ARHGEF18: variants seen among roughly 807,000 people sequenced by gnomAD.
ARHGEF18 encodes the protein rho guanine nucleotide exchange factor 18.
ARHGEF18 carries 93 observed loss-of-function variants against 155.7 expected under a neutral mutation model. The ratio of observed to expected loss-of-function variants is 0.60; its 90% CI spans 0.50 to 0.71. The LOEUF is 0.71. ARHGEF18 is among the 30% of genes least tolerant of loss of function. The pLI, the probability that ARHGEF18 is intolerant of heterozygous loss-of-function variation, is 0.00. For synonymous variants in ARHGEF18, 742 were observed against 753.1 expected (o/e 0.99, Z 0.24); for missense variants, 1,593 against 1,816.1 (o/e 0.88, Z 2.23).
chr19:7,386,489 C>T (rs745599838), intron 10 of ARHGEF18, among the ~76,000 whole-genome samples: 58 of 152,076 alleles, frequency 3.8e-4, no homozygotes, highest in African/African-American at 1.0e-3. Flanking sequence ...GTGAGGACCA[C>T]GGCTCTCCCT....
intron 2 of ARHGEF18, 23 bp from the exon 3 acceptor site, chr19:7,372,789 C>A: frequency 4.1e-6 from 5 of 1,234,486 alleles, no homozygotes; most frequent in Non-Finnish European, 5.1e-6. Flanking sequence ...CTTCTTCTCC[C>A]TCCTCACCTT....
intron 10 of ARHGEF18, among the ~76,000 whole-genome samples, chr19:7,422,657 G>A (rs1973423854): frequency 6.6e-6 from 1 of 151,562 alleles, no homozygotes; most frequent in Admixed American, 6.6e-5. Context: ...CCTCTGGACT[G>A]GAGATCTCCT....
chr19:7,394,959 C>A, intron 10 of ARHGEF18: 1 of 764,024 alleles, frequency 1.3e-6, no homozygotes, highest in Non-Finnish European at 1.6e-6. Flanking sequence ...TCGGTGCCCG[C>A]GCCCCTCTCA....
intron 18 of ARHGEF18, 68 bp from the exon 19 acceptor site, chr19:7,458,444 T>C (rs1026560556): frequency 1.3e-6 from 2 of 1,509,040 alleles, no homozygotes; most frequent in Admixed American, 3.6e-5. Flanking sequence ...CACCAGGCCC[T>C]TGACCTCCCT....
At chr19:7,477,390 A>C, downstream of ARHGEF18, 2 of 1,542,274 alleles carry the variant, frequency 1.3e-6, no homozygotes. Flanking sequence ...AGCGCCTCCG[A>C]CTGCATCTGC....
intron 2 of ARHGEF18, among the ~76,000 whole-genome samples, chr19:7,369,849 A>G (rs1350833751): frequency 6.6e-6 from 1 of 152,100 alleles, no homozygotes. Context: ...TTGCCATGCA[A>G]TTGTGCCACT....
Position 7,456,407 on chromosome 19 carries a change from T to A in ARHGEF18, c.2181+4T>A, listed in dbSNP as rs369863950. 5 of 1,613,720 alleles carry A rather than the reference T, an allele frequency of 3.1e-6. No individual in the cohort carries two copies. The South Asian group carries it at 5.5e-5, about 18-fold the overall frequency. On this transcript the variant is annotated splice_donor_region_variant and intron_variant, in intron 18 of 28. Coordinates refer to ENST00000668164, the MANE Select transcript of ARHGEF18 (RefSeq NM_001367823.1). ...GAAATACGTCTTTGCTTCTGTGGTA[T>A]GTATCCTGTCTCTTCAGACGAAGGG...
chr19:7,440,148 C>G lies in ARHGEF18; in HGVS notation c.968-196C>G. On this transcript the variant is annotated intron_variant, in intron 10 of 28. Transcript: ENST00000668164. The surrounding 1 kb of genome is among the most constrained non-coding windows in gnomAD (Gnocchi z 5.4). ...AAGCGGGGACAGGCACAGCGCGCTC[C>G]CCGGCCGCCCCGAGCTGTCTTTTTA... 6.4e-7 allele frequency: 1 copy of G among 1,551,324 alleles called. No homozygotes were observed. Among genetic ancestry groups the G allele is most frequent in the East Asian group, 2.4e-5 (1 of 40,906 alleles).
At position 7,470,303 on chromosome 19, in the gene ARHGEF18, G is replaced by T; in HGVS notation, c.*5G>T. On this transcript the variant is annotated 3_prime_UTR_variant, in exon 29 of 29. Transcript: ENST00000668164. This position sits in a 1 kb window ranked among gnomAD's most constrained non-coding sequence, Gnocchi z 5.9. ...GAAGACGTCATCTTCTTCTAAAAGG[G>T]CCGTGACTCAAGGTGCAAGGCCCCT... is the stretch of plus-strand genomic sequence containing the variant. 1 of 1,517,166 alleles carries T rather than the reference G, an allele frequency of 6.6e-7. No homozygotes were observed. Among genetic ancestry groups the T allele is most frequent in the African/African-American group, 1.4e-5 (1 of 70,784 alleles). 94.0% of individuals were successfully genotyped at this position (1,517,166 alleles called of 1,614,324 possible).
At chr19:7,378,338 G>T in intron 5 of ARHGEF18, 56 bp from the exon 6 acceptor site, 1 of 1,219,646 alleles carries the variant, frequency 8.2e-7, no homozygotes, top group Non-Finnish European at 1.0e-6. Context: ...TGCTGGGCTG[G>T]TCCTGTCCCA....
At position 7,469,993 on chromosome 19, in the gene ARHGEF18, A is replaced by G. The variant is rs759242800; in HGVS notation, c.3877A>G (p.Ile1293Val). The change falls in exon 28 of 29, where the codon ATC (isoleucine) becomes GTC (valine). Residue 1293 changes from isoleucine (I) to valine (V), a missense_variant. Ile to Val is a conservative substitution (Grantham distance 29). Coordinates refer to ENST00000668164, the MANE Select transcript of ARHGEF18 (RefSeq NM_001367823.1). Reference protein sequence around the residue: ...TSRNRRSLSPILPGRHSPAPP... With the variant: ...TSRNRRSLSPVLPGRHSPAPP... ...ACGGAACCGCCGCTCGCTGAGCCCTATCCTGCCCGGCAGACACAGTCCTGC... is the reference window on the plus strand; with the variant it reads ...ACGGAACCGCCGCTCGCTGAGCCCTGTCCTGCCCGGCAGACACAGTCCTGC... The G allele has an allele frequency of 5.6e-6, 9 of 1,612,924 alleles. No homozygotes were observed. In the East Asian group the frequency reaches 1.8e-4, roughly 32 times the overall value.
chr19:7,406,276 G>A (rs1639478475), intron 10 of ARHGEF18, among the ~76,000 whole-genome samples: 1 of 152,058 alleles, frequency 6.6e-6, no homozygotes, highest in Non-Finnish European at 1.5e-5. Context: ...GTAGAGACAG[G>A]GTTTCACCAT....
At chr19:7,376,438 G>A (rs912833944) in intron 4 of ARHGEF18, among the ~76,000 whole-genome samples, 1 of 152,100 alleles carries the variant, frequency 6.6e-6, no homozygotes, top group Non-Finnish European at 1.5e-5. Flanking sequence ...TCCTCCGCCA[G>A]GACTACAGCC....
intron 10 of ARHGEF18, among the ~76,000 whole-genome samples, chr19:7,419,884 T>G (rs1600377540): frequency 6.7e-6 from 1 of 149,136 alleles, no homozygotes; most frequent in Non-Finnish European, 1.5e-5. Flanking sequence ...GCACCTGGGG[T>G]GCACCCACAC....
Position 7,395,290 on chromosome 19 carries a change from G to C in ARHGEF18, c.967+12087G>C. 2 of 985,860 alleles carry C rather than the reference G, an allele frequency of 2.0e-6. No individual in the cohort carries two copies. The highest frequency in any genetic ancestry group is 2.4e-6 in the Non-Finnish European group (2 of 830,292). The allele number at this position is 985,860 out of a possible 1,614,324, so 61.1% of individuals were successfully genotyped here. A position where few individuals can be genotyped will look rare whatever the true frequency, so the allele number is the denominator to read the frequency against. The stretch of plus-strand genomic sequence containing the variant: ...GCGGTCCCGAGGAAAACGGGGCTCA[G>C]GAGGGGGCCCTCGGTCTCTTCAGGG... On this transcript the variant is annotated intron_variant, in intron 10 of 28. Transcript: ENST00000668164. The surrounding 1 kb of genome is among the most constrained non-coding windows in gnomAD (Gnocchi z 5.0).
chr19:7,468,879 C>G lies in ARHGEF18; in HGVS notation c.3535C>G (p.Arg1179Gly). The change falls in exon 27 of 29, where the codon CGT becomes GGT. Residue 1179 changes from arginine (R) to glycine (G), a missense_variant. Arg to Gly is a moderately radical substitution (Grantham distance 125). Coordinates refer to ENST00000668164, the MANE Select transcript of ARHGEF18 (RefSeq NM_001367823.1). Reference protein sequence around the residue: ...SFNGEGLEGPRVSMLPSGVGP... With the variant: ...SFNGEGLEGPGVSMLPSGVGP... ...CAACGGGGAAGGGCTGGAGGGCCCT[C>G]GTGTGAGCATGCTGCCATCCGGCGT... 2.5e-6 allele frequency: 4 copies of G among 1,575,980 alleles called. No homozygotes were observed. In the South Asian group the frequency reaches 4.6e-5, roughly 18 times the overall value.
intron 10 of ARHGEF18, among the ~76,000 whole-genome samples, chr19:7,389,809 A>C (rs1971297088): frequency 6.6e-6 from 1 of 152,132 alleles, no homozygotes; most frequent in Admixed American, 6.6e-5. Flanking sequence ...GCCCACTCTC[A>C]GGGTGGTGGG....
At chr19:7,465,443 CTG>C (rs1417508842) in intron 23 of ARHGEF18, among the ~76,000 whole-genome samples, 10 of 144,222 alleles carry the variant, frequency 6.9e-5, no homozygotes, top group South Asian at 4.3e-4. Context: ...AGGTCTCACT[CTG>C]TCACCCAGGC....
At chr19:7,375,367 AAGG>A (rs2145414310) in intron 3 of ARHGEF18, among the ~76,000 whole-genome samples, 1 of 149,318 alleles carries the variant, frequency 6.7e-6, no homozygotes, top group African/African-American at 2.5e-5. Context: ...GGAAGGAAGG[AAGG>A]AAGGAAGAAA....
Sources: allele counts gnomAD v4.1 joint callset (sites outside exome capture counted in the v4.1 genomes callset), GRCh38; gene constraint gnomAD v4.1.1; non-coding constraint Gnocchi (gnomAD v3.1); transcripts MANE v1.5; gene names NCBI Gene and HGNC (gene_info 2026-07-23, HGNC 2026-07-21).